Variants in DOK6 observed in about 807,000 individuals in gnomAD.
DOK6 encodes downstream of tyrosine kinase 6.
DOK6 carries 22 observed loss-of-function variants against 44.0 expected under a neutral mutation model. The observed-to-expected ratio is 0.50, with a 90% CI of 0.36 to 0.71. The LOEUF (loss-of-function observed/expected upper bound fraction) is 0.71. DOK6 is among the 30% of genes least tolerant of loss of function. The pLI, the probability that DOK6 is intolerant of heterozygous loss-of-function variation, is 0.00. For synonymous variants in DOK6, 166 were observed against 145.5 expected, an observed-to-expected ratio of 1.14 and a Z score of -1.01; for missense variants, 340 against 416.4, an observed-to-expected ratio of 0.82 and a Z score of 1.60.
At chr18:69,422,514 G>A (rs1255178860) in intron 1 of DOK6, among the ~76,000 whole-genome samples, 1 of 152,114 alleles carries the variant, frequency 6.6e-6, no homozygotes, top group Admixed American at 6.6e-5. Flanking sequence ...TGTTAACACT[G>A]CCACTGTTTT....
chr18:69,823,420 G>A (rs974098395), intron 7 of DOK6, among the ~76,000 whole-genome samples: 1 of 151,918 alleles, frequency 6.6e-6, no homozygotes, highest in African/African-American at 2.4e-5. Context: ...AGGAGTTGAA[G>A]TTCAGATGAG....
chr18:69,549,552 A>G (rs980934445), intron 1 of DOK6, among the ~76,000 whole-genome samples: 5 of 151,662 alleles, frequency 3.3e-5, no homozygotes, highest in African/African-American at 4.8e-5. Context: ...GTTCTTGATT[A>G]GGCATTTAAT....
chr18:69,517,204 T>C (rs766251398), intron 1 of DOK6, among the ~76,000 whole-genome samples: 1 of 152,192 alleles, frequency 6.6e-6, no homozygotes, highest in Non-Finnish European at 1.5e-5. Context: ...AAGCCAAGAT[T>C]AACAAGTGGT....
intron 7 of DOK6, among the ~76,000 whole-genome samples, chr18:69,790,207 G>T (rs1980550803): frequency 7.4e-6 from 1 of 134,984 alleles, no homozygotes; most frequent in South Asian, 2.6e-4. Context: ...ATAAGTGGGA[G>T]TTGAACAATA....
At chr18:69,820,029 G>C (rs981386256) in intron 7 of DOK6, among the ~76,000 whole-genome samples, 12 of 152,198 alleles carry the variant, frequency 7.9e-5, no homozygotes, top group Non-Finnish European at 1.6e-4. Flanking sequence ...CTGCAGGTTA[G>C]ACAGGCTTGT....
chr18:69,527,338 TAGGG>T (rs1259461100), intron 1 of DOK6, among the ~76,000 whole-genome samples: 2 of 152,202 alleles, frequency 1.3e-5, no homozygotes, highest in African/African-American at 4.8e-5. Context: ...TCTAAATGGC[TAGGG>T]AGGCCTCAGG....
At chr18:69,713,877 G>A (rs555932421) in intron 5 of DOK6, among the ~76,000 whole-genome samples, 1 of 152,264 alleles carries the variant, frequency 6.6e-6, no homozygotes, top group African/African-American at 2.4e-5. Flanking sequence ...GAATCACATA[G>A]GATTAAGCTC....
intron 1 of DOK6, among the ~76,000 whole-genome samples, chr18:69,414,426 A>C (rs887536207): frequency 2.6e-5 from 4 of 152,100 alleles, no homozygotes; most frequent in African/African-American, 9.6e-5. Flanking sequence ...ACTAATAATA[A>C]ATCTCAGAAA....
At chr18:69,805,866 C>T (rs1981038251) in intron 7 of DOK6, among the ~76,000 whole-genome samples, 1 of 151,978 alleles carries the variant, frequency 6.6e-6, no homozygotes, top group African/African-American at 2.4e-5. Flanking sequence ...TGAATGGTGC[C>T]TATCCTTTCA....
chr18:69,755,901 G>A (rs987192655), intron 6 of DOK6, among the ~76,000 whole-genome samples: 9 of 152,198 alleles, frequency 5.9e-5, no homozygotes, highest in Non-Finnish European at 1.0e-4. Context: ...AGCAAAGAGA[G>A]GGGTCCCCCA....
chr18:69,480,364 A>G (rs1229238359), intron 1 of DOK6, among the ~76,000 whole-genome samples: 1 of 152,132 alleles, frequency 6.6e-6, no homozygotes, highest in Non-Finnish European at 1.5e-5. Flanking sequence ...AGTGTCAAAG[A>G]TATGAATCTT....
At chr18:69,458,937 CA>C (rs112139558) in intron 1 of DOK6, among the ~76,000 whole-genome samples, 72,634 of 150,928 alleles carry the variant, frequency 0.48, 18,214 homozygotes, top group African/African-American at 0.59. Context: ...ACTAAAAATA[CA>C]AAAAAAAATG....
At position 69,757,837 on chromosome 18, in the gene DOK6, C is replaced by T. The variant is rs267605249; in HGVS notation, c.820C>T (p.Arg274Cys). The T allele has an allele frequency of 1.5e-5, 24 of 1,614,028 alleles. No homozygotes were observed. Among genetic ancestry groups the T allele is most frequent in the Middle Eastern group, 1.6e-4 (1 of 6,082 alleles). ...PRSAYWHHIT[R>C]QNSVGEIYSL... Reference sequence around the variant, plus strand: ...CAGCGCGTACTGGCATCACATCACTCGTCAGAACAGCGTTGGTGAAATCTA... The same window carrying T: ...CAGCGCGTACTGGCATCACATCACTTGTCAGAACAGCGTTGGTGAAATCTA... The change falls in exon 7 of 8, where the codon CGT (arginine) becomes TGT (cysteine). Residue 274 changes from arginine to cysteine, a missense_variant. This residue lies in a region of DOK6 where 112 missense variants were observed against 109.3 expected (regional missense o/e 1.02). Transcript: ENST00000382713.
chr18:69,711,900 G>T (rs1019122444), intron 5 of DOK6, among the ~76,000 whole-genome samples: 2 of 152,118 alleles, frequency 1.3e-5, no homozygotes, highest in African/African-American at 4.8e-5. Flanking sequence ...TTAGTTTTAG[G>T]TACTTGTCTT....
chr18:69,833,846 A>G (rs909133116), intron 7 of DOK6, among the ~76,000 whole-genome samples: 1 of 152,208 alleles, frequency 6.6e-6, no homozygotes, highest in African/African-American at 2.4e-5. Flanking sequence ...GCAGATCACA[A>G]CTACAATGGG....
chr18:69,659,846 TATGTTA>T (rs1985468481), intron 3 of DOK6: 5 of 35,350 alleles, frequency 1.4e-4, no homozygotes, highest in Admixed American at 5.9e-4. Context: ...AACATATATG[TATGTTA>T]TATATATATA....
chr18:69,811,879 T>C (rs1181267039), intron 7 of DOK6, among the ~76,000 whole-genome samples: 1 of 152,052 alleles, frequency 6.6e-6, no homozygotes, highest in African/African-American at 2.4e-5. Context: ...TTAAGTTACC[T>C]TGACTTGACT....
intron 1 of DOK6, among the ~76,000 whole-genome samples, chr18:69,514,455 T>C (rs948715389): frequency 6.6e-6 from 1 of 152,172 alleles, no homozygotes; most frequent in African/African-American, 2.4e-5. Flanking sequence ...GATATTGTGT[T>C]GTAAAATATT....
chr18:69,747,942 A>T (rs1231191598), intron 6 of DOK6, among the ~76,000 whole-genome samples: 1 of 152,164 alleles, frequency 6.6e-6, no homozygotes, highest in African/African-American at 2.4e-5. Context: ...TGTCACACCT[A>T]CCATATGTTA....
Sources: allele counts gnomAD v4.1 joint callset (sites outside exome capture counted in the v4.1 genomes callset), GRCh38; gene constraint gnomAD v4.1.1; regional missense constraint gnomAD v4.1.1; transcripts MANE v1.5; gene names NCBI Gene and HGNC (gene_info 2026-07-23, HGNC 2026-07-21).